Variants in ENOX2 observed in about 807,000 individuals in gnomAD.
ENOX2 encodes APK1 antigen.
In ENOX2, 36 loss-of-function variants were observed where a neutral mutation model predicts 45.0. The ratio of observed to expected loss-of-function variants is 0.80; its 90% CI spans 0.61 to 1.06. ENOX2 has a LOEUF of 1.06. ENOX2 is among the 50% of genes least tolerant of loss of function. The pLI is 0.00. For synonymous variants in ENOX2, 174 were observed against 152.3 expected (o/e 1.14, Z -1.05); for missense variants, 423 against 462.5 (o/e 0.91, Z 0.78).
chrX:130,875,133 G>T (rs2148561317), intron 2 of ENOX2, among the ~76,000 whole-genome samples: 1 of 111,626 alleles, frequency 9.0e-6, no homozygotes, highest in African/African-American at 3.3e-5. Flanking sequence ...GGTGTTACTG[G>T]TGAGAAAGGG....
chrX:130,706,424 AG>A (rs781627219), intron 3 of ENOX2, among the ~76,000 whole-genome samples: 14 of 111,324 alleles, frequency 1.3e-4, no homozygotes, highest in African/African-American at 3.6e-4. Context: ...TAAGTCTTTA[AG>A]GAGGGATAGG....
At chrX:130,795,178 T>A (rs1303146044) in intron 2 of ENOX2, among the ~76,000 whole-genome samples, 2 of 112,301 alleles carry the variant, frequency 1.8e-5, no homozygotes, top group African/African-American at 6.5e-5. Context: ...AATATGCTAA[T>A]GCATCCTTAA....
At chrX:130,867,574 C>A (rs1004459516) in intron 2 of ENOX2, among the ~76,000 whole-genome samples, 2 of 111,798 alleles carry the variant, frequency 1.8e-5, no homozygotes, top group Non-Finnish European at 3.8e-5. Context: ...TTTCATTACA[C>A]AATATTCTCA....
At chrX:130,887,264 G>A (rs1279570169) in intron 2 of ENOX2, among the ~76,000 whole-genome samples, 8 of 111,434 alleles carry the variant, frequency 7.2e-5, no homozygotes, top group Admixed American at 1.9e-4. Context: ...ACTGTTTCAC[G>A]TTGTATCCTA....
intron 3 of ENOX2, among the ~76,000 whole-genome samples, chrX:130,760,143 T>G (rs887888578): frequency 8.9e-6 from 1 of 112,180 alleles, no homozygotes; most frequent in Non-Finnish European, 1.9e-5. Context: ...GATTTTTGTA[T>G]GCTTATCATG....
At position 130,637,233 on chromosome X, in the gene ENOX2, T is replaced by C; in HGVS notation, c.1307A>G (p.Gln436Arg). 8.3e-7 allele frequency: 1 copy of C among 1,210,693 alleles called. No homozygotes were observed. Among genetic ancestry groups the C allele is most frequent in the Non-Finnish European group, 1.1e-6 (1 of 894,619 alleles). The change falls in exon 11 of 15, where the codon CAA becomes CGA. Residue 436 changes from glutamine to arginine, a missense_variant. By Grantham distance (43) the Gln-to-Arg change is conservative (BLOSUM62 1). Around this residue, in one of 5 missense-constraint regions of ENOX2, gnomAD observed 108 missense variants for 70.6 expected, o/e 1.53. Coordinates refer to ENST00000394363, the MANE Select transcript of ENOX2 (RefSeq NM_006375.4). ...AGAAAACCAAAATGCCTTTACCTGTTGCATTCCTTGCAGGGCTTGTTGCAG... is the reference window on the plus strand; with the variant it reads ...AGAAAACCAAAATGCCTTTACCTGTCGCATTCCTTGCAGGGCTTGTTGCAG... ...KLLQQALQGM[Q>R]QHLLKVQEEY...
chrX:130,655,822 G>A (rs184586855), intron 10 of ENOX2, among the ~76,000 whole-genome samples: 7 of 111,829 alleles, frequency 6.3e-5, no homozygotes, highest in African/African-American at 1.6e-4. Context: ...TTTTAGTAGC[G>A]ATGGGGTTTC....
intron 4 of ENOX2, among the ~76,000 whole-genome samples, chrX:130,691,508 T>C (rs2037596201): frequency 8.9e-6 from 1 of 112,382 alleles, no homozygotes; most frequent in African/African-American, 3.2e-5. Flanking sequence ...TCCTATGCTG[T>C]AAAATAAGAG....
chrX:130,669,904 T>A (rs996169106), intron 7 of ENOX2, 61 bp downstream of exon 7: 17 of 827,739 alleles, frequency 2.1e-5, no homozygotes, highest in Admixed American at 1.2e-4. Flanking sequence ...GCAATTATAT[T>A]TATGACACTT....
intron 2 of ENOX2, among the ~76,000 whole-genome samples, chrX:130,811,398 C>T (rs373284824): frequency 9.8e-5 from 11 of 111,942 alleles, no homozygotes; most frequent in Admixed American, 1.9e-4. Context: ...TCAACAGATA[C>T]GCCACAGTGA....
chrX:130,787,829 A>AT (rs991259788), intron 2 of ENOX2, among the ~76,000 whole-genome samples: 32 of 111,329 alleles, frequency 2.9e-4, no homozygotes, highest in African/African-American at 9.8e-4. Context: ...TTCAGGCCTA[A>AT]TTTTTTTTAT....
chrX:130,818,213 A>G (rs1428927386), intron 2 of ENOX2, among the ~76,000 whole-genome samples: 1 of 111,533 alleles, frequency 9.0e-6, no homozygotes, highest in Non-Finnish European at 1.9e-5. Context: ...GGACTCTTCA[A>G]GGAGAACTAC....
At chrX:130,758,219 TCAC>T (rs1314659132) in intron 3 of ENOX2, among the ~76,000 whole-genome samples, 3 of 112,121 alleles carry the variant, frequency 2.7e-5, no homozygotes. Flanking sequence ...AACATTTCCA[TCAC>T]CACAAGGATC....
chrX:130,689,557 G>A (rs1209662528), intron 4 of ENOX2, among the ~76,000 whole-genome samples: 1 of 111,883 alleles, frequency 8.9e-6, no homozygotes, highest in Non-Finnish European at 1.9e-5. Flanking sequence ...CTAATATGCT[G>A]AGCATAGGTT....
intron 2 of ENOX2, among the ~76,000 whole-genome samples, chrX:130,886,496 G>C (rs903012915): frequency 8.9e-6 from 1 of 111,881 alleles, no homozygotes; most frequent in East Asian, 2.8e-4. Context: ...AAAAACATTC[G>C]CCCATACCTG....
chrX:130,851,183 T>C (rs1382643911), intron 2 of ENOX2, among the ~76,000 whole-genome samples: 1 of 112,885 alleles, frequency 8.9e-6, no homozygotes, highest in African/African-American at 3.2e-5. Context: ...CCCAGAAAGC[T>C]ATTACATTTA....
chrX:130,753,961 A>C (rs1266550369), intron 3 of ENOX2, among the ~76,000 whole-genome samples: 1 of 111,511 alleles, frequency 9.0e-6, no homozygotes, highest in Non-Finnish European at 1.9e-5. Context: ...GCTAGATAGG[A>C]GGAATGAGTT....
At chrX:130,661,111 C>A (rs934686932) in intron 9 of ENOX2, among the ~76,000 whole-genome samples, 4 of 111,367 alleles carry the variant, frequency 3.6e-5, no homozygotes, top group African/African-American at 1.3e-4. Flanking sequence ...TAATCTTATT[C>A]ATGTTTTATG....
chrX:130,675,772 C>T (rs1035874181), intron 6 of ENOX2, among the ~76,000 whole-genome samples: 2 of 111,272 alleles, frequency 1.8e-5, no homozygotes, highest in Non-Finnish European at 3.8e-5. Flanking sequence ...GTAAAGGAAG[C>T]TTTTGGGGAT....
Sources: allele counts gnomAD v4.1 joint callset (sites outside exome capture counted in the v4.1 genomes callset), GRCh38; gene constraint gnomAD v4.1.1; regional missense constraint gnomAD v4.1.1; transcripts MANE v1.5; gene names NCBI Gene and HGNC (gene_info 2026-07-23, HGNC 2026-07-21).